PDE4DIP: variants seen among roughly 807,000 people sequenced by gnomAD.
PDE4DIP encodes myomegalin.
Under a neutral mutation model 221.4 loss-of-function variants are expected in PDE4DIP, and 59 were observed. The ratio of observed to expected loss-of-function variants is 0.27; its 90% CI spans 0.22 to 0.33. The LOEUF is 0.33. PDE4DIP is among the 10% of genes least tolerant of loss of function. The pLI is 1.00. For missense variants in PDE4DIP, 1,036 were observed against 2,154.2 expected (o/e 0.48, Z 10.28); for synonymous variants, 404 against 815.9 (o/e 0.50, Z 8.60).
At chr1:148,926,785 C>T (rs2046811160) in intron 1 of PDE4DIP, among the ~76,000 whole-genome samples, 1 of 151,242 alleles carries the variant, frequency 6.6e-6, no homozygotes, top group Admixed American at 6.6e-5. Flanking sequence ...CATTTGAATT[C>T]CTTTAAGTAT....
At chr1:148,929,217 A>C in exon 2 of PDE4DIP, 1 of 1,613,730 alleles carries the variant, frequency 6.2e-7, no homozygotes, top group Non-Finnish European at 8.5e-7. Flanking sequence ...TGAAGGTTGA[A>C]GTGGAGAGCT....
chr1:148,968,684 C>G lies in PDE4DIP; in HGVS notation c.1786-152C>G, dbSNP rs1255147344. 1.3e-5 allele frequency: 8 copies of G among 598,782 alleles called. No homozygotes were observed. In the Admixed American group the frequency reaches 1.5e-4, roughly 11 times the overall value. 37.1% of individuals were successfully genotyped at this position (598,782 alleles called of 1,614,324 possible). On this transcript the variant is annotated intron_variant, in intron 13 of 43. Coordinates refer to ENST00000369354, the Ensembl canonical transcript of PDE4DIP. ...GAGACTTCTGTGTAGCAGGCCTGTG[C>G]TAGATCTGGTAAAACAAAAATGAGT...
chr1:148,919,701 C>T (rs1226996904), intron 1 of PDE4DIP, among the ~76,000 whole-genome samples: 2 of 151,620 alleles, frequency 1.3e-5, no homozygotes, highest in Non-Finnish European at 2.9e-5. Context: ...AAATAAAACC[C>T]ATTCACTAAT....
intron 23 of PDE4DIP, among the ~76,000 whole-genome samples, chr1:149,001,075 A>T (rs2065539038): frequency 6.6e-6 from 1 of 152,244 alleles, no homozygotes; most frequent in Non-Finnish European, 1.5e-5. Context: ...CTATCACGTG[A>T]GCCAGACATA....
intron 1 of PDE4DIP, among the ~76,000 whole-genome samples, chr1:148,917,974 A>G (rs4233070): frequency 1.3e-5 from 2 of 148,316 alleles, no homozygotes; most frequent in East Asian, 2.0e-4. Flanking sequence ...ATGATTGAAT[A>G]TCTCCATTTT....
intron 5 of PDE4DIP, among the ~76,000 whole-genome samples, chr1:148,948,330 C>T (rs1553485069): frequency 6.6e-6 from 1 of 152,112 alleles, no homozygotes; most frequent in Non-Finnish European, 1.5e-5. Flanking sequence ...TGCCTTCCTC[C>T]AATCATAAGT....
chr1:149,017,023 C>A (rs1171027191), intron 33 of PDE4DIP, among the ~76,000 whole-genome samples: 1 of 152,050 alleles, frequency 6.6e-6, no homozygotes, highest in Non-Finnish European at 1.5e-5. Flanking sequence ...CCGCGCAGTT[C>A]CAACAGTAAG....
intron 5 of PDE4DIP, among the ~76,000 whole-genome samples, chr1:148,958,104 T>C (rs1434703458): frequency 7.6e-6 from 1 of 131,242 alleles, no homozygotes; most frequent in African/African-American, 2.9e-5. Context: ...AGGTGAAGGC[T>C]TCCTGTTATA....
chr1:148,823,754 G>A (rs1163496321), intron 1 of PDE4DIP, among the ~76,000 whole-genome samples: 3 of 150,482 alleles, frequency 2.0e-5, no homozygotes, highest in East Asian at 1.9e-4. Flanking sequence ...TCAGCAAGAA[G>A]GGTTTTCATT....
At chr1:149,023,972 AACTC>A (rs1159253723) in intron 37 of PDE4DIP, among the ~76,000 whole-genome samples, 79 of 151,070 alleles carry the variant, frequency 5.2e-4, no homozygotes, top group Admixed American at 6.6e-4. Context: ...GAAATTGAAA[AACTC>A]AGTTATAATC....
chr1:149,001,868 C>T, exon 24 of PDE4DIP: 1 of 1,613,888 alleles, frequency 6.2e-7, no homozygotes, highest in East Asian at 2.2e-5. Flanking sequence ...TCCAGAGCTC[C>T]TTGTGCATCT....
intron 5 of PDE4DIP, among the ~76,000 whole-genome samples, chr1:148,958,312 G>A (rs587705490): frequency 4.0e-5 from 6 of 151,178 alleles, no homozygotes; most frequent in Admixed American, 2.0e-4. Context: ...CTGCACTACC[G>A]CAGCAGCCTC....
chr1:148,922,385 C>G, intron 1 of PDE4DIP, among the ~76,000 whole-genome samples: 1 of 149,044 alleles, frequency 6.7e-6, no homozygotes, highest in African/African-American at 2.5e-5. Flanking sequence ...GAAACCCTGT[C>G]TCTACAAAAA....
At chr1:148,859,792 T>TTGTGTG (rs3978545) in intron 1 of PDE4DIP, among the ~76,000 whole-genome samples, 1,894 of 113,032 alleles carry the variant, frequency 0.017, 14 homozygotes, top group Non-Finnish European at 0.02. Context: ...TATTACCACT[T>TTGTGTG]TGTGTGTGTG....
At chr1:149,010,621 G>T in intron 31 of PDE4DIP, 26 bp downstream of exon 34, 1 of 1,610,942 alleles carries the variant, frequency 6.2e-7, no homozygotes, top group Non-Finnish European at 8.5e-7. Context: ...TGGGGCAGAA[G>T]CTTCATCTCC....
intron 1 of PDE4DIP, among the ~76,000 whole-genome samples, chr1:148,903,168 G>T (rs1276050743): frequency 7.1e-6 from 1 of 139,996 alleles, no homozygotes; most frequent in Non-Finnish European, 1.5e-5. Flanking sequence ...GCGATGTTGA[G>T]CCTTTTTTCA....
chr1:148,822,275 C>CA lies in PDE4DIP; in HGVS notation c.233+13539dup, dbSNP rs1669475873. Among the ~76,000 whole-genome samples, 3 of 123,278 alleles carry CA rather than the reference C, an allele frequency of 2.4e-5. No homozygotes were observed. In the Admixed American group the frequency reaches 2.5e-4, roughly 10 times the overall value. The allele number at this position is 123,278 out of a possible 152,430, so 80.9% of individuals were successfully genotyped here. ...ACATGGTGATGGTATTTCCCTAGAACAGGGGTCCCCAGCCCCCAGAGCATG... is the reference window on the plus strand; with the variant it reads ...ACATGGTGATGGTATTTCCCTAGAACAAGGGGTCCCCAGCCCCCAGAGCATG... On this transcript the variant is annotated intron_variant, in intron 1 of 45. Transcript: ENST00000524974.
intron 17 of PDE4DIP, among the ~76,000 whole-genome samples, chr1:148,975,041 G>T (rs1198509390): frequency 1.5e-5 from 2 of 131,760 alleles, no homozygotes; most frequent in Non-Finnish European, 3.2e-5. Flanking sequence ...TGTAGTGGCG[G>T]GCGCCTGTAA....
At position 148,813,764 on chromosome 1, in the gene PDE4DIP, T is replaced by C. The variant is rs1212650268; in HGVS notation, c.233+5027T>C. Among the ~76,000 whole-genome samples the C allele has an allele frequency of 3.6e-4, 48 of 133,214 alleles. 1 individual carries two copies. Among genetic ancestry groups the C allele is most frequent in the Middle Eastern group, 3.7e-3 (1 of 270 alleles). The allele number at this position is 133,214 out of a possible 152,430, so 87.4% of individuals were successfully genotyped here. A position where few individuals can be genotyped will look rare whatever the true frequency, so the allele number is the denominator to read the frequency against. On this transcript the variant is annotated intron_variant, in intron 1 of 45. Transcript: ENST00000524974. ...TATATTGTGATCAAGGTGTTTTTTT[T>C]TTTCTTTTTTATCTTTTTTTTTTTT...
Sources: allele counts gnomAD v4.1 joint callset (sites outside exome capture counted in the v4.1 genomes callset), GRCh38; gene constraint gnomAD v4.1.1; transcripts MANE v1.5; gene names NCBI Gene and HGNC (gene_info 2026-07-23, HGNC 2026-07-21).